The following WDR41 variants were observed in gnomAD, a reference collection of about 807,000 sequenced individuals.
WDR41 encodes the protein WD repeat-containing protein 41.
A neutral mutation model predicts 69.3 loss-of-function variants in WDR41; 63 were observed. That is an observed-to-expected ratio of 0.91 (90% CI 0.74 to 1.12). The LOEUF is 1.12. Ranked by LOEUF, WDR41 falls within the 50% of genes most tolerant of loss-of-function variation. WDR41 has a pLI of 0.00. For missense variants in WDR41, 543 were observed against 534.5 expected, an observed-to-expected ratio of 1.02 and a Z score of -0.16; for synonymous variants, 185 against 192.1, an observed-to-expected ratio of 0.96 and a Z score of 0.31.
chr5:77,465,418 C>T (rs985662088), intron 2 of WDR41, among the ~76,000 whole-genome samples: 1 of 152,044 alleles, frequency 6.6e-6, no homozygotes, highest in Admixed American at 6.6e-5. Flanking sequence ...TATAGCTTCT[C>T]TCTCCTTTTT....
chr5:77,481,571 G>C (rs1801262794), intron 2 of WDR41, among the ~76,000 whole-genome samples: 1 of 152,090 alleles, frequency 6.6e-6, no homozygotes, highest in African/African-American at 2.4e-5. Flanking sequence ...CGGAACACGA[G>C]ATCAGGAGTT....
At chr5:77,590,712 T>C (rs1561233009) in intron 1 of WDR41, among the ~76,000 whole-genome samples, 1 of 152,204 alleles carries the variant, frequency 6.6e-6, no homozygotes, top group African/African-American at 2.4e-5. Context: ...AGTCCTCCCT[T>C]GGAACAGGTC....
At chr5:77,601,551 T>A (rs1744323656) in intron 1 of WDR41, among the ~76,000 whole-genome samples, 1 of 152,216 alleles carries the variant, frequency 6.6e-6, no homozygotes, top group Admixed American at 6.5e-5. Context: ...GAAAACTAGC[T>A]TGAAGATGCA....
At chr5:77,521,633 T>A (rs1802371423) in intron 1 of WDR41, among the ~76,000 whole-genome samples, 1 of 152,208 alleles carries the variant, frequency 6.6e-6, no homozygotes, top group Non-Finnish European at 1.5e-5. Flanking sequence ...TATAAAGTAC[T>A]TGGTGGCAAA....
Position 77,517,631 on chromosome 5 carries a change from C to CATATATATATATATATAT in WDR41, c.43-28077_43-28060dup, listed in dbSNP as rs34773798. ...TTGACATTTATTCATATTTATTGAA[C>CATATATATATATATATAT]ATATATATATATATATATATATATA... is the stretch of plus-strand genomic sequence containing the variant. On this transcript the variant is annotated intron_variant, in intron 1 of 5. Coordinates refer to the WDR41 transcript ENST00000509971. 5.8e-3 allele frequency among the ~76,000 whole-genome samples: 812 copies of CATATATATATATATATAT among 141,034 alleles called. 5 individuals are homozygous for CATATATATATATATATAT. Among genetic ancestry groups the CATATATATATATATATAT allele is most frequent in the Non-Finnish European group, 9.2e-3 (598 of 65,080 alleles). The allele number at this position is 141,034 out of a possible 152,430, so 92.5% of individuals were successfully genotyped here. A position where few individuals can be genotyped will look rare whatever the true frequency, so the allele number is the denominator to read the frequency against.
chr5:77,464,227 G>C (rs1800189953), intron 3 of WDR41, among the ~76,000 whole-genome samples: 1 of 127,402 alleles, frequency 7.8e-6, no homozygotes. Context: ...TTAAAATTTT[G>C]TATTTTTTGA....
At chr5:77,579,017 C>T (rs1343536211) in intron 1 of WDR41, among the ~76,000 whole-genome samples, 2 of 151,802 alleles carry the variant, frequency 1.3e-5, no homozygotes, top group Admixed American at 6.6e-5. Flanking sequence ...TTAAAATTCA[C>T]TACAGAGGTT....
intron 1 of WDR41, among the ~76,000 whole-genome samples, chr5:77,609,820 G>A (rs192799111): frequency 0.084 from 12,624 of 150,210 alleles, 647 homozygotes; most frequent in East Asian, 0.16. Context: ...TGACTTTGAC[G>A]AGTTGAGAGA....
intron 3 of WDR41, 59 bp downstream of exon 3, chr5:77,464,702 A>G (rs978606603): frequency 2.0e-6 from 3 of 1,527,348 alleles, no homozygotes; most frequent in South Asian, 1.1e-5. Flanking sequence ...TTATATGAAT[A>G]CATACTCAAC....
intron 1 of WDR41, among the ~76,000 whole-genome samples, chr5:77,532,502 T>G (rs931614470): frequency 6.6e-6 from 1 of 152,110 alleles, no homozygotes; most frequent in East Asian, 1.9e-4. Flanking sequence ...TGTAAAAGAA[T>G]GTCCATAACA....
chr5:77,543,821 T>A (rs1263916557), intron 1 of WDR41, among the ~76,000 whole-genome samples: 2 of 152,076 alleles, frequency 1.3e-5, no homozygotes. Context: ...GGGAAATTCA[T>A]CACAAAAAGA....
chr5:77,587,856 A>G (rs959184734), intron 1 of WDR41, among the ~76,000 whole-genome samples: 5 of 152,252 alleles, frequency 3.3e-5, no homozygotes, highest in Non-Finnish European at 5.9e-5. Flanking sequence ...ATGTGTGCAC[A>G]GAAGGATGAT....
Position 77,585,271 on chromosome 5 carries a change from C to T in WDR41, c.42+35208G>A, listed in dbSNP as rs372088674. Among the ~76,000 whole-genome samples the T allele has an allele frequency of 6.6e-5, 10 of 152,128 alleles. No individual in the cohort carries two copies. The East Asian group carries it at 9.7e-4, about 15-fold the overall frequency. On this transcript the variant is annotated intron_variant, in intron 1 of 5. Coordinates refer to the WDR41 transcript ENST00000509971. ...AGAAATGCAAATCAAAACTACAATG[C>T]GATATCACCTCACTCCTGCAAGAAT... is the stretch of plus-strand genomic sequence containing the variant.
chr5:77,549,517 C>T (rs1252020041), intron 1 of WDR41, among the ~76,000 whole-genome samples: 1 of 150,860 alleles, frequency 6.6e-6, no homozygotes, highest in African/African-American at 2.4e-5. Flanking sequence ...ATAGCCGCTC[C>T]AAAAAAAACA....
At chr5:77,620,519 A>G (rs1308676679) in exon 1 of WDR41, 4 of 456,068 alleles carry the variant, frequency 8.8e-6, no homozygotes, top group African/African-American at 2.0e-5. Flanking sequence ...AGCTTCATGC[A>G]TACATAAAGA....
Position 77,433,276 on chromosome 5 carries a change from G to C in WDR41, c.1239C>G (p.Tyr413Ter), listed in dbSNP as rs1561721614. The C allele has an allele frequency of 1.9e-6, 3 of 1,610,890 alleles. No individual in the cohort carries two copies. Among genetic ancestry groups the C allele is most frequent in the Non-Finnish European group, 2.5e-6 (3 of 1,179,184 alleles). The change falls in exon 13 of 13, where the codon TAC becomes TAG. Residue 413 changes from tyrosine (Y) to a stop codon, truncating the protein, a stop_gained. Coordinates refer to ENST00000296679, the MANE Select transcript of WDR41 (RefSeq NM_018268.4). LOFTEE classifies it high-confidence loss of function. ...GHSSSVEMFL[Y>*]FEDHGLVTCS... ...ACGTCACTAGTCCATGATCTTCAAA[G>C]TATAGAAACATCTGTAAAGAAAATT... is the stretch of plus-strand genomic sequence containing the variant.
intron 1 of WDR41, among the ~76,000 whole-genome samples, chr5:77,547,645 A>G (rs1743223284): frequency 6.6e-6 from 1 of 152,158 alleles, no homozygotes; most frequent in East Asian, 1.9e-4. Context: ...CCACAAACAA[A>G]TGGAAACACA....
At chr5:77,499,005 T>A (rs1263147742) in intron 1 of WDR41, among the ~76,000 whole-genome samples, 1 of 152,002 alleles carries the variant, frequency 6.6e-6, no homozygotes, top group Non-Finnish European at 1.5e-5. Context: ...AGGGAAAATA[T>A]TTGCAAATTA....
intron 9 of WDR41, 131 bp downstream of exon 9, chr5:77,440,682 C>T (rs1799123702): frequency 1.2e-6 from 1 of 815,960 alleles, no homozygotes; most frequent in Admixed American, 3.0e-5. Flanking sequence ...TAGAAAAAGA[C>T]CATTTTAAAG....
Sources: gnomAD v4.1 joint callset for allele counts (sites outside exome capture counted in the v4.1 genomes callset) on GRCh38, gnomAD v4.1.1 for gene constraint, MANE v1.5 for transcripts, NCBI Gene and HGNC (gene_info 2026-07-23, HGNC 2026-07-21) for gene names.